The following DLG2 variants were observed in gnomAD, a reference collection of about 807,000 sequenced individuals.
DLG2 encodes the protein disks large homolog 2.
DLG2 carries 45 observed loss-of-function variants against 132.5 expected under a neutral mutation model. That is an observed-to-expected ratio of 0.34 (90% CI 0.27 to 0.44). The LOEUF (loss-of-function observed/expected upper bound fraction) is 0.44. Ranked by LOEUF, DLG2 falls within the 20% of genes least tolerant of loss-of-function variation. The pLI is 1.00. For synonymous variants in DLG2, 424 were observed against 419.6 expected, an observed-to-expected ratio of 1.01 and a Z score of -0.13; for missense variants, 1,045 against 1,196.9, an observed-to-expected ratio of 0.87 and a Z score of 1.87.
chr11:85,296,908 C>G (rs1000557314), intron 3 of DLG2, among the ~76,000 whole-genome samples: 1 of 149,136 alleles, frequency 6.7e-6, no homozygotes, highest in African/African-American at 2.4e-5. Context: ...TATTATTGTA[C>G]AAAATGATAC....
chr11:85,466,281 G>T (rs1392265296), intron 3 of DLG2, among the ~76,000 whole-genome samples: 1 of 152,164 alleles, frequency 6.6e-6, no homozygotes, highest in African/African-American at 2.4e-5. Context: ...TCTGATGGTA[G>T]TTTCTTTTGC....
At chr11:83,773,092 C>T (rs1307542482) in intron 18 of DLG2, among the ~76,000 whole-genome samples, 1 of 152,142 alleles carries the variant, frequency 6.6e-6, no homozygotes, top group East Asian at 1.9e-4. Flanking sequence ...TAATTCTATG[C>T]TCCAGCTAGT....
intron 15 of DLG2, among the ~76,000 whole-genome samples, chr11:83,902,852 T>C (rs2073836025): frequency 6.6e-6 from 1 of 152,156 alleles, no homozygotes; most frequent in South Asian, 2.1e-4. Flanking sequence ...AACCTCTAAA[T>C]GGATAGTGGG....
chr11:83,555,784 A>G (rs1393154254), intron 19 of DLG2, among the ~76,000 whole-genome samples: 3 of 152,214 alleles, frequency 2.0e-5, no homozygotes, highest in Non-Finnish European at 4.4e-5. Context: ...AAAATCTTCA[A>G]TCTAGTACTT....
At chr11:85,497,763 G>A (rs575395758) in intron 3 of DLG2, among the ~76,000 whole-genome samples, 22 of 152,192 alleles carry the variant, frequency 1.4e-4, no homozygotes, top group African/African-American at 5.1e-4. Context: ...AAAGAGACAG[G>A]GAGTCAATAT....
intron 22 of DLG2, among the ~76,000 whole-genome samples, chr11:83,476,632 A>C (rs1216730863): frequency 6.6e-6 from 1 of 152,132 alleles, no homozygotes; most frequent in Non-Finnish European, 1.5e-5. Context: ...GTTTGTATTA[A>C]CTTTATAGGT....
At chr11:84,822,310 C>T (rs557932519) in intron 6 of DLG2, among the ~76,000 whole-genome samples, 1 of 151,766 alleles carries the variant, frequency 6.6e-6, no homozygotes, top group South Asian at 2.1e-4. Flanking sequence ...ACATTTATTA[C>T]CTATTTAAGG....
chr11:85,415,684 T>C (rs1431055640), intron 3 of DLG2, among the ~76,000 whole-genome samples: 3 of 152,192 alleles, frequency 2.0e-5, no homozygotes, highest in African/African-American at 7.2e-5. Flanking sequence ...TTCATATCCT[T>C]TGCCCACTTT....
At chr11:85,364,947 A>G (rs1295978249) in intron 3 of DLG2, among the ~76,000 whole-genome samples, 1 of 151,816 alleles carries the variant, frequency 6.6e-6, no homozygotes, top group Non-Finnish European at 1.5e-5. Flanking sequence ...AGGTGCTTCC[A>G]TCTCCTAGAG....
chr11:83,892,304 C>G (rs1654197279), intron 15 of DLG2, among the ~76,000 whole-genome samples: 1 of 152,156 alleles, frequency 6.6e-6, no homozygotes, highest in Admixed American at 6.6e-5. Context: ...CAAACTCCTT[C>G]CATTTAAATA....
Position 84,437,185 on chromosome 11 carries a change from T to C in DLG2, c.519+97385A>G, listed in dbSNP as rs548493813. ...ACCACGCATTTTGAATAGCCAATGA[T>C]CTTGCTTAACCCTTAATGCTCCCCT... On this transcript the variant is annotated intron_variant, in intron 7 of 27. Coordinates refer to ENST00000376104, the MANE Select transcript of DLG2 (RefSeq NM_001142699.3). Among the ~76,000 whole-genome samples, 27 of 152,266 alleles carry C rather than the reference T, an allele frequency of 1.8e-4. 1 individual carries two copies. The East Asian group carries it at 4.3e-3, about 24-fold the overall frequency.
Position 83,515,067 on chromosome 11 carries a change from T to A in DLG2, c.2193+17641A>T, listed in dbSNP as rs542935381. Reference sequence around the variant, plus strand: ...AAAATGAGTTAGGGAGGATTCCCTCTTTTTCTATTGATTGGAATAGTTTCA... The same window carrying A: ...AAAATGAGTTAGGGAGGATTCCCTCATTTTCTATTGATTGGAATAGTTTCA... On this transcript the variant is annotated intron_variant, in intron 21 of 27. Transcript: ENST00000376104. 9.2e-5 allele frequency among the ~76,000 whole-genome samples: 14 copies of A among 152,280 alleles called. No homozygotes were observed. In the East Asian group the frequency reaches 2.5e-3, roughly 27 times the overall value.
intron 3 of DLG2, among the ~76,000 whole-genome samples, chr11:85,426,428 A>T (rs2153003770): frequency 6.6e-6 from 1 of 152,174 alleles, no homozygotes; most frequent in East Asian, 1.9e-4. Flanking sequence ...CTGAGACAAA[A>T]CTTCCAGAGG....
chr11:85,148,661 A>C (rs2077019505), intron 5 of DLG2, among the ~76,000 whole-genome samples: 1 of 152,146 alleles, frequency 6.6e-6, no homozygotes, highest in East Asian at 1.9e-4. Context: ...CCTTTGTCAG[A>C]TGGGTAGATT....
chr11:83,705,837 G>A (rs983640859), intron 18 of DLG2, among the ~76,000 whole-genome samples: 1 of 152,184 alleles, frequency 6.6e-6, no homozygotes, highest in African/African-American at 2.4e-5. Flanking sequence ...ATGGCTCTTG[G>A]AAAAGTAGAA....
chr11:84,755,646 A>G (rs892903262), intron 6 of DLG2, among the ~76,000 whole-genome samples: 14 of 152,160 alleles, frequency 9.2e-5, no homozygotes, highest in African/African-American at 3.4e-4. Flanking sequence ...GATGGACTCA[A>G]TCTCCTGACC....
At chr11:83,531,962 G>A (rs2095758259) in intron 21 of DLG2, among the ~76,000 whole-genome samples, 1 of 143,612 alleles carries the variant, frequency 7.0e-6, no homozygotes, top group African/African-American at 2.5e-5. Flanking sequence ...GGGACAAAAA[G>A]TAGATTAGTG....
intron 10 of DLG2, among the ~76,000 whole-genome samples, chr11:84,090,322 G>A (rs1020915241): frequency 2.7e-5 from 4 of 150,482 alleles, no homozygotes; most frequent in African/African-American, 9.8e-5. Flanking sequence ...GCTGAGGCAG[G>A]AGAATCGCTT....
At chr11:83,871,510 A>G (rs944479354) in intron 16 of DLG2, among the ~76,000 whole-genome samples, 4 of 152,214 alleles carry the variant, frequency 2.6e-5, no homozygotes, top group Non-Finnish European at 5.9e-5. Context: ...ATTAGGAAGG[A>G]GAGTTTTCAA....
Sources: gnomAD v4.1 joint callset for allele counts (sites outside exome capture counted in the v4.1 genomes callset) on GRCh38, gnomAD v4.1.1 for gene constraint, MANE v1.5 for transcripts, NCBI Gene and HGNC (gene_info 2026-07-23, HGNC 2026-07-21) for gene names.